Variants in SMARCAL1 observed in about 807,000 individuals in gnomAD.
The protein encoded by SMARCAL1 is ATP-driven annealing helicase.
SMARCAL1 carries 58 observed loss-of-function variants against 94.5 expected under a neutral mutation model. The ratio of observed to expected loss-of-function variants is 0.61; its 90% CI spans 0.50 to 0.76. The LOEUF (loss-of-function observed/expected upper bound fraction) is 0.76. SMARCAL1 is among the 30% of genes least tolerant of loss of function. The pLI, the probability that SMARCAL1 is intolerant of heterozygous loss-of-function variation, is 0.00. For synonymous variants in SMARCAL1, 422 were observed against 455.1 expected, an observed-to-expected ratio of 0.93 and a Z score of 0.93; for missense variants, 1,051 against 1,177.9, an observed-to-expected ratio of 0.89 and a Z score of 1.58.
intron 14 of SMARCAL1, among the ~76,000 whole-genome samples, chr2:216,474,288 C>T (rs1282488212): frequency 1.3e-5 from 2 of 149,374 alleles, no homozygotes; most frequent in South Asian, 2.1e-4. Flanking sequence ...TACAGGCGCA[C>T]ACCAGCACAT....
intron 10 of SMARCAL1, among the ~76,000 whole-genome samples, chr2:216,442,613 T>A (rs991066268): frequency 2.0e-5 from 3 of 152,166 alleles, no homozygotes; most frequent in Non-Finnish European, 2.9e-5. Flanking sequence ...TCTGCCTCCT[T>A]AGAGTGTTTT....
chr2:216,441,195 G>A (rs1694189932), intron 10 of SMARCAL1, among the ~76,000 whole-genome samples: 1 of 152,104 alleles, frequency 6.6e-6, no homozygotes, highest in African/African-American at 2.4e-5. Context: ...ACAGTTCGTT[G>A]GATAGCAGGG....
At chr2:216,446,989 C>G (rs1694329596) in intron 10 of SMARCAL1, 29 bp from the exon 11 acceptor site, 2 of 1,613,680 alleles carry the variant, frequency 1.2e-6, no homozygotes, top group South Asian at 1.1e-5. Context: ...TCCCTGTGTT[C>G]AGAGCACCTT....
intron 12 of SMARCAL1, among the ~76,000 whole-genome samples, chr2:216,457,027 G>A (rs539324231): frequency 3.7e-4 from 57 of 152,238 alleles, no homozygotes; most frequent in East Asian, 5.8e-4. Context: ...AACAAAAAAA[G>A]GCAGGGGTTG....
rs189808100 is a variant in SMARCAL1 at position 216,418,660 on chromosome 2, C to T, written c.863-1639C>T. Among the ~76,000 whole-genome samples the T allele has an allele frequency of 5.3e-5, 8 of 152,320 alleles. No individual in the cohort carries two copies. In the East Asian group the frequency reaches 1.2e-3, roughly 22 times the overall value. The stretch of plus-strand genomic sequence containing the variant: ...CGTGTGAAGAAGAAAAACCATCCCC[C>T]GTAATCTCCCCACTCAACTAACCAT... On this transcript the variant is annotated intron_variant, in intron 4 of 17. Transcript: ENST00000357276.
Position 216,415,487 on chromosome 2 carries a change from G to A in SMARCAL1, c.783G>A (p.Val261=), listed in dbSNP as rs1481208284. The part of the protein sequence containing the change: ...LIGYNAELIA[V]FKTLPSKNYD... ...GGTACAATGCGGAACTCATTGCAGT[G>A]TTTAAGACCCTGCCCAGCAAGAATT... Residue 261 remains valine, a synonymous_variant, in exon 3 of 18, where the codon GTG becomes GTA. Transcript: ENST00000357276. 1.2e-6 allele frequency: 2 copies of A among 1,612,894 alleles called. No homozygotes were observed. Among genetic ancestry groups the A allele is most frequent in the South Asian group, 1.1e-5 (1 of 91,048 alleles).
intron 12 of SMARCAL1, among the ~76,000 whole-genome samples, chr2:216,454,231 A>G (rs1694508789): frequency 1.3e-5 from 2 of 152,256 alleles, no homozygotes; most frequent in African/African-American, 4.8e-5. Flanking sequence ...CAAAAGAAGT[A>G]AGATCATTAA....
intron 10 of SMARCAL1, among the ~76,000 whole-genome samples, chr2:216,440,921 C>A (rs1320992105): frequency 6.6e-6 from 1 of 152,098 alleles, no homozygotes; most frequent in Admixed American, 6.6e-5. Context: ...TGAGGGAGGA[C>A]AAATCACTCT....
intron 13 of SMARCAL1, among the ~76,000 whole-genome samples, chr2:216,467,092 C>T (rs1453860336): frequency 1.3e-5 from 2 of 152,190 alleles, no homozygotes; most frequent in Admixed American, 6.5e-5. Flanking sequence ...GGGGAGGGGG[C>T]ACCTAGCCAG....
At chr2:216,414,594 A>T in intron 2 of SMARCAL1, 53 bp from the exon 3 acceptor site, 1 of 913,552 alleles carries the variant, frequency 1.1e-6, no homozygotes, top group Non-Finnish European at 1.8e-6. Context: ...TGGTTGGAGT[A>T]TGACAATTAA....
At chr2:216,474,103 A>G (rs1285675410) in intron 14 of SMARCAL1, among the ~76,000 whole-genome samples, 1 of 146,052 alleles carries the variant, frequency 6.8e-6, no homozygotes, top group Non-Finnish European at 1.5e-5. Context: ...ATGCTGTGCA[A>G]TTTATATAAC....
intron 12 of SMARCAL1, among the ~76,000 whole-genome samples, chr2:216,458,859 AG>A (rs1473582693): frequency 6.6e-6 from 1 of 152,206 alleles, no homozygotes; most frequent in Non-Finnish European, 1.5e-5. Context: ...AAAGAAATAA[AG>A]GGTATTCAAT....
intron 12 of SMARCAL1, among the ~76,000 whole-genome samples, chr2:216,456,490 TG>T (rs1444356654): frequency 6.6e-6 from 1 of 152,204 alleles, no homozygotes; most frequent in Non-Finnish European, 1.5e-5. Flanking sequence ...GACTAACAGT[TG>T]ATCTCTCGGC....
Position 216,416,424 on chromosome 2 carries a change from G to T in SMARCAL1, c.862+117G>T, listed in dbSNP as rs990539517. ...CTTTACAGGTGGTGAAAGCTTTCAG[G>T]GCACCCCCCCCAACACTCCTTCCCA... On this transcript the variant is annotated intron_variant, in intron 4 of 17. Coordinates refer to ENST00000357276, the MANE Select transcript of SMARCAL1 (RefSeq NM_014140.4). 10 of 841,584 alleles carry T rather than the reference G, an allele frequency of 1.2e-5. No individual in the cohort carries two copies. In the African/African-American group the frequency reaches 1.4e-4, roughly 11 times the overall value. The allele number at this position is 841,584 out of a possible 1,614,324, so 52.1% of individuals were successfully genotyped here.
intron 12 of SMARCAL1, among the ~76,000 whole-genome samples, chr2:216,464,004 T>C (rs1456698928): frequency 1.3e-5 from 2 of 152,132 alleles, no homozygotes; most frequent in African/African-American, 4.8e-5. Flanking sequence ...ATCGCGCCAC[T>C]GCACTCCAGC....
In SMARCAL1 at chr2:216,464,684, T is replaced by G. The variant is rs2066516; in HGVS notation, c.2141+17T>G. The G allele has an allele frequency of 1.3e-6, 2 of 1,559,118 alleles. No homozygotes were observed. The highest frequency in any genetic ancestry group is 1.1e-5 in the South Asian group (1 of 89,946). ...ATCTGTCATGTAAGTGGTCACTAAGTGTCGACCTCTCTCTCTCTCATCTTC... is the reference window on the plus strand; with the variant it reads ...ATCTGTCATGTAAGTGGTCACTAAGGGTCGACCTCTCTCTCTCTCATCTTC... On this transcript the variant is annotated intron_variant, in intron 13 of 17. Transcript: ENST00000357276.
chr2:216,420,028 C>CA (rs60555710), intron 4 of SMARCAL1, among the ~76,000 whole-genome samples: 7,897 of 39,636 alleles, frequency 0.2, 654 homozygotes, highest in East Asian at 0.29. Flanking sequence ...GACCCCGTCT[C>CA]AAAAAAAAAA....
chr2:216,438,937 C>CA (rs747403963), intron 10 of SMARCAL1, among the ~76,000 whole-genome samples: 11 of 151,910 alleles, frequency 7.2e-5, no homozygotes, highest in South Asian at 2.1e-4. Flanking sequence ...AAAGTAATGG[C>CA]AAAAAAACGC....
At chr2:216,430,204 T>C (rs917358482) in intron 7 of SMARCAL1, among the ~76,000 whole-genome samples, 5 of 152,228 alleles carry the variant, frequency 3.3e-5, no homozygotes, top group African/African-American at 9.6e-5. Context: ...CTTCAGAATT[T>C]TCTAAATAAA....
Sources: allele counts gnomAD v4.1 joint callset (sites outside exome capture counted in the v4.1 genomes callset), GRCh38; gene constraint gnomAD v4.1.1; transcripts MANE v1.5; gene names NCBI Gene and HGNC (gene_info 2026-07-23, HGNC 2026-07-21).